TRIO: variants seen among roughly 807,000 people sequenced by gnomAD.
The protein encoded by TRIO is triple functional domain protein.
Under a neutral mutation model 351.9 loss-of-function variants are expected in TRIO, and 58 were observed. The ratio of observed to expected loss-of-function variants is 0.16; its 90% CI spans 0.13 to 0.21. TRIO has a LOEUF of 0.21. TRIO is among the 10% of genes least tolerant of loss of function. TRIO has a pLI of 1.00. For missense variants in TRIO, 3,201 were observed against 4,027.8 expected, an observed-to-expected ratio of 0.79 and a Z score of 5.56; for synonymous variants, 1,758 against 1,595.7, an observed-to-expected ratio of 1.10 and a Z score of -2.42.
intron 1 of TRIO, among the ~76,000 whole-genome samples, chr5:14,178,141 G>A (rs565753189): frequency 6.6e-6 from 1 of 152,222 alleles, no homozygotes; most frequent in South Asian, 2.1e-4. Context: ...TAGTCTGCTA[G>A]GGCAGAGATT....
chr5:14,255,502 A>G (rs949794917), intron 1 of TRIO, among the ~76,000 whole-genome samples: 3 of 152,262 alleles, frequency 2.0e-5, no homozygotes, highest in African/African-American at 7.2e-5. Flanking sequence ...TAGATGAGTC[A>G]TGCAAACTGG....
At position 14,476,979 on chromosome 5, in the gene TRIO, T is replaced by C. The variant is rs199722121; in HGVS notation, c.6153+16T>C. ...TGTTAAACACGTAAGCACAATAGCA[T>C]TGCTTATATCCTGTTCTGATGGTGT... On this transcript the variant is annotated intron_variant, in intron 41 of 56. Coordinates refer to ENST00000344204, the MANE Select transcript of TRIO (RefSeq NM_007118.4). 3.0e-4 allele frequency: 487 copies of C among 1,606,124 alleles called. 2 individuals are homozygous for C. In the African/African-American group the frequency reaches 5.7e-3, roughly 19 times the overall value.
chr5:14,183,320 G>A (rs936781854), intron 1 of TRIO, among the ~76,000 whole-genome samples: 1 of 152,124 alleles, frequency 6.6e-6, no homozygotes, highest in African/African-American at 2.4e-5. Flanking sequence ...CAGCAAGATT[G>A]TGATGTAAGC....
In TRIO at chr5:14,406,689, A is replaced by G. The variant is rs751532312; in HGVS notation, c.4959+17A>G. The G allele has an allele frequency of 1.2e-6, 2 of 1,612,546 alleles. No homozygotes were observed. The highest frequency in any genetic ancestry group is 1.7e-5 in the Admixed American group (1 of 60,010). On this transcript the variant is annotated intron_variant, in intron 33 of 56. Transcript: ENST00000344204. Reference sequence around the variant, plus strand: ...AGCGATAAGGTGAGTCACTGCCGGCACTTTGTGTGCGGAGGGGAATGTGGC... The same window carrying G: ...AGCGATAAGGTGAGTCACTGCCGGCGCTTTGTGTGCGGAGGGGAATGTGGC...
intron 1 of TRIO, among the ~76,000 whole-genome samples, chr5:14,258,936 T>C (rs1561261477): frequency 6.6e-6 from 1 of 152,230 alleles, no homozygotes; most frequent in Non-Finnish European, 1.5e-5. Context: ...TGCAGGGCAC[T>C]GATGCGCAGT....
intron 2 of TRIO, among the ~76,000 whole-genome samples, chr5:14,279,126 C>G (rs143736153): frequency 6.6e-6 from 1 of 152,240 alleles, no homozygotes; most frequent in African/African-American, 2.4e-5. Flanking sequence ...CCATATAATA[C>G]CTAAATTATT....
intron 1 of TRIO, among the ~76,000 whole-genome samples, chr5:14,214,618 C>T (rs1406751811): frequency 3.9e-5 from 6 of 152,198 alleles, no homozygotes; most frequent in African/African-American, 1.4e-4. Flanking sequence ...TTTGAAAGAA[C>T]ATAGCAGAAT....
At chr5:14,370,554 T>C (rs1745019446) in intron 18 of TRIO, among the ~76,000 whole-genome samples, 1 of 152,164 alleles carries the variant, frequency 6.6e-6, no homozygotes, top group Non-Finnish European at 1.5e-5. Context: ...ACTTTCTGTG[T>C]TTTTTTCTGA....
intron 1 of TRIO, among the ~76,000 whole-genome samples, chr5:14,254,487 C>G (rs754213224): frequency 1.3e-5 from 2 of 152,180 alleles, no homozygotes; most frequent in Non-Finnish European, 2.9e-5. Context: ...CCATGATCGC[C>G]TTGTCTGGTT....
At chr5:14,402,608 G>A (rs1748175087) in intron 31 of TRIO, among the ~76,000 whole-genome samples, 1 of 152,014 alleles carries the variant, frequency 6.6e-6, no homozygotes, top group Non-Finnish European at 1.5e-5. Flanking sequence ...TGGAGATGGT[G>A]GTGGTATGGA....
intron 36 of TRIO, 112 bp from the exon 37 acceptor site, chr5:14,465,433 T>C (rs1343785048): frequency 3.0e-6 from 3 of 995,852 alleles, no homozygotes; most frequent in Non-Finnish European, 4.6e-6. Context: ...TGTGGTCTTT[T>C]TGTCTGGAAT....
At chr5:14,149,000 G>A (rs147477762) in intron 1 of TRIO, among the ~76,000 whole-genome samples, 97 of 152,358 alleles carry the variant, frequency 6.4e-4, no homozygotes, top group African/African-American at 2.2e-3. Flanking sequence ...TGAACAGGGA[G>A]ACTTCCCAGT....
chr5:14,165,426 A>G (rs1394901017), intron 1 of TRIO, among the ~76,000 whole-genome samples: 1 of 152,220 alleles, frequency 6.6e-6, no homozygotes, highest in Non-Finnish European at 1.5e-5. Context: ...GTGTTCCTGC[A>G]AAAGACATGA....
At chr5:14,219,648 A>G (rs1390643585) in intron 1 of TRIO, among the ~76,000 whole-genome samples, 1 of 152,156 alleles carries the variant, frequency 6.6e-6, no homozygotes, top group African/African-American at 2.4e-5. Context: ...GTGATGAGGA[A>G]TCACCTGCAT....
chr5:14,266,453 A>G (rs1561270203), intron 1 of TRIO, among the ~76,000 whole-genome samples: 1 of 152,212 alleles, frequency 6.6e-6, no homozygotes, highest in Non-Finnish European at 1.5e-5. Flanking sequence ...ATCTAGAGAA[A>G]AAGAGGCAAC....
chr5:14,302,791 A>G (rs750748781), intron 7 of TRIO, among the ~76,000 whole-genome samples: 3 of 152,222 alleles, frequency 2.0e-5, no homozygotes, highest in Non-Finnish European at 1.5e-5. Flanking sequence ...ATTCCCTGCT[A>G]AGTTAAAAGA....
At chr5:14,303,392 CCG>C in intron 7 of TRIO, among the ~76,000 whole-genome samples, 1 of 129,176 alleles carries the variant, frequency 7.7e-6, no homozygotes, top group Non-Finnish European at 1.6e-5. Flanking sequence ...GGGATGGCTG[CCG>C]CAGGAATTGA....
At chr5:14,434,846 T>C (rs1351176034) in intron 34 of TRIO, among the ~76,000 whole-genome samples, 1 of 152,226 alleles carries the variant, frequency 6.6e-6, no homozygotes, top group East Asian at 1.9e-4. Context: ...CTTCAGTCTT[T>C]TTTCTTCTTC....
chr5:14,389,749 T>C (rs1049878554), intron 25 of TRIO, among the ~76,000 whole-genome samples: 5 of 152,208 alleles, frequency 3.3e-5, no homozygotes, highest in African/African-American at 9.6e-5. Context: ...CTATGCTGTT[T>C]GCTCTCTTAT....
Sources: allele counts gnomAD v4.1 joint callset (sites outside exome capture counted in the v4.1 genomes callset), GRCh38; gene constraint gnomAD v4.1.1; transcripts MANE v1.5; gene names NCBI Gene and HGNC (gene_info 2026-07-23, HGNC 2026-07-21).